Variants in SLC35F1 observed in about 807,000 individuals in gnomAD.
SLC35F1 encodes the protein chromosome 6 open reading frame 169.
In SLC35F1, 14 loss-of-function variants were observed where a neutral mutation model predicts 48.7. That is an observed-to-expected ratio of 0.29 (90% CI 0.19 to 0.45). SLC35F1 has a LOEUF of 0.45. SLC35F1 is among the 20% of genes least tolerant of loss of function. The probability of loss-of-function intolerance (pLI) is 1.00; values close to 1 mark genes in which losing one functional copy is unlikely to be tolerated. For missense variants in SLC35F1, 404 were observed against 500.0 expected (o/e 0.81, Z 1.83); for synonymous variants, 190 against 202.2 (o/e 0.94, Z 0.51).
chr6:118,003,046 A>T (rs1777125668), intron 1 of SLC35F1, among the ~76,000 whole-genome samples: 1 of 152,230 alleles, frequency 6.6e-6, no homozygotes, highest in Non-Finnish European at 1.5e-5. Flanking sequence ...CAAATAGCAT[A>T]TACATATATT....
chr6:118,291,296 CTT>C (rs1562352792), intron 7 of SLC35F1, among the ~76,000 whole-genome samples: 2 of 150,474 alleles, frequency 1.3e-5, no homozygotes, highest in African/African-American at 4.9e-5. Context: ...TATATAATAA[CTT>C]TGGGAAAAGC....
At position 117,951,672 on chromosome 6, in the gene SLC35F1, C is replaced by T. The variant is rs183832298; in HGVS notation, c.173+43773C>T. On this transcript the variant is annotated intron_variant, in intron 1 of 7. Transcript: ENST00000360388. ...GAAAGAAGTGTTAACCAGTTTGCTTCTTTGTGCTGTGCAGGACAAGGAATA... is the reference window on the plus strand; with the variant it reads ...GAAAGAAGTGTTAACCAGTTTGCTTTTTTGTGCTGTGCAGGACAAGGAATA... Among the ~76,000 whole-genome samples, 149 of 152,284 alleles carry T rather than the reference C, an allele frequency of 9.8e-4. 2 individuals carry two copies. The highest frequency in any genetic ancestry group is 1.2e-3 in the Non-Finnish European group (79 of 68,018).
At chr6:118,276,382 A>G (rs1271991303) in intron 5 of SLC35F1, among the ~76,000 whole-genome samples, 13 of 152,212 alleles carry the variant, frequency 8.5e-5, no homozygotes, top group Admixed American at 8.5e-4. Flanking sequence ...TGATTTCACC[A>G]ATCTCTTTCT....
intron 7 of SLC35F1, among the ~76,000 whole-genome samples, chr6:118,295,988 A>G (rs1225599982): frequency 1.3e-5 from 2 of 152,104 alleles, no homozygotes; most frequent in African/African-American, 4.8e-5. Context: ...AACTTAGGGT[A>G]AGTGTTGCTA....
At chr6:117,913,124 T>C (rs1775783868) in intron 1 of SLC35F1, among the ~76,000 whole-genome samples, 2 of 152,230 alleles carry the variant, frequency 1.3e-5, no homozygotes, top group Non-Finnish European at 2.9e-5. Flanking sequence ...GATTTTAGTT[T>C]AGCTTGCTTG....
intron 1 of SLC35F1, among the ~76,000 whole-genome samples, chr6:117,951,423 G>A (rs1383029676): frequency 6.6e-6 from 1 of 152,126 alleles, no homozygotes; most frequent in Admixed American, 6.5e-5. Flanking sequence ...TAGAAATTCA[G>A]CAGTGTGATT....
chr6:118,224,667 G>A (rs1562330776), intron 2 of SLC35F1, among the ~76,000 whole-genome samples: 1 of 152,314 alleles, frequency 6.6e-6, no homozygotes, highest in East Asian at 1.9e-4. Flanking sequence ...ATTATTAGTA[G>A]CTGTTATAAA....
At chr6:118,017,338 T>A (rs1318938564) in intron 1 of SLC35F1, among the ~76,000 whole-genome samples, 2 of 95,672 alleles carry the variant, frequency 2.1e-5, no homozygotes, top group African/African-American at 7.0e-5. Context: ...ACAGGAAAAC[T>A]TTTTTTTGTC....
At chr6:118,241,477 C>T (rs577205830) in intron 3 of SLC35F1, among the ~76,000 whole-genome samples, 3 of 152,288 alleles carry the variant, frequency 2.0e-5, no homozygotes, top group African/African-American at 7.2e-5. Context: ...GAACCCTTCA[C>T]ATAGCTTTCC....
intron 1 of SLC35F1, among the ~76,000 whole-genome samples, chr6:118,109,858 T>C (rs570224920): frequency 3.3e-5 from 5 of 152,310 alleles, no homozygotes; most frequent in Non-Finnish European, 5.9e-5. Flanking sequence ...CCCCTCTTTA[T>C]GGCCAGCACT....
chr6:118,100,942 A>T (rs9374717), intron 1 of SLC35F1, among the ~76,000 whole-genome samples: 29,730 of 152,108 alleles, frequency 0.2, 3,701 homozygotes, highest in East Asian at 0.41. Flanking sequence ...AAGGCACTCC[A>T]GTCACTTGGG....
intron 1 of SLC35F1, among the ~76,000 whole-genome samples, chr6:117,945,155 G>A (rs1015743499): frequency 6.6e-6 from 1 of 152,164 alleles, no homozygotes; most frequent in African/African-American, 2.4e-5. Context: ...TGGAAAAGCT[G>A]TGGGGCTCCG....
In SLC35F1 at chr6:118,001,498, T is replaced by C. The variant is rs569013164; in HGVS notation, c.173+93599T>C. ...GTCAGATCTAAAACCATAAAAATCCTAGAAGAAAACCCAGGCATTACCATT... is the reference window on the plus strand; with the variant it reads ...GTCAGATCTAAAACCATAAAAATCCCAGAAGAAAACCCAGGCATTACCATT... On this transcript the variant is annotated intron_variant, in intron 1 of 7. Coordinates refer to ENST00000360388, the MANE Select transcript of SLC35F1 (RefSeq NM_001029858.4). Among the ~76,000 whole-genome samples, 397 of 152,314 alleles carry C rather than the reference T, an allele frequency of 2.6e-3. 1 individual carries two copies. The highest frequency in any genetic ancestry group is 9.3e-3 in the African/African-American group (388 of 41,556).
At chr6:117,963,255 C>G (rs980641872) in intron 1 of SLC35F1, among the ~76,000 whole-genome samples, 1 of 152,042 alleles carries the variant, frequency 6.6e-6, no homozygotes, top group Admixed American at 6.5e-5. Context: ...GTAAGGATTA[C>G]TGAGACAACA....
chr6:118,281,412 A>G (rs1173968254), intron 6 of SLC35F1, among the ~76,000 whole-genome samples: 1 of 152,120 alleles, frequency 6.6e-6, no homozygotes, highest in African/African-American at 2.4e-5. Context: ...TCACAGATCC[A>G]TCTTTTACCC....
intron 2 of SLC35F1, among the ~76,000 whole-genome samples, chr6:118,198,871 A>G (rs1394976474): frequency 6.6e-6 from 1 of 152,210 alleles, no homozygotes; most frequent in East Asian, 1.9e-4. Flanking sequence ...GTTTTGCACA[A>G]ACCCAGCTGT....
intron 4 of SLC35F1, among the ~76,000 whole-genome samples, chr6:118,268,045 G>C (rs1158136728): frequency 1.3e-5 from 2 of 152,078 alleles, no homozygotes; most frequent in Non-Finnish European, 2.9e-5. Flanking sequence ...GTCAAAAGTG[G>C]ACCGTTTCTC....
rs563877162 is a variant in SLC35F1 at position 118,272,782 on chromosome 6, T to A, written c.638-2677T>A. On this transcript the variant is annotated intron_variant, in intron 4 of 7. Transcript: ENST00000360388. ...ATATATATGTATATATATATACCAT[T>A]TTTTAGCATAGAAATTTAGACCTAC... Among the ~76,000 whole-genome samples, 479 of 146,332 alleles carry A rather than the reference T, an allele frequency of 3.3e-3. 4 individuals are homozygous for A. The highest frequency in any genetic ancestry group is 0.011 in the African/African-American group (458 of 40,176).
chr6:117,939,643 A>G (rs1406682966), intron 1 of SLC35F1, among the ~76,000 whole-genome samples: 1 of 152,236 alleles, frequency 6.6e-6, no homozygotes, highest in Admixed American at 6.5e-5. Flanking sequence ...AAAAGGACCT[A>G]AAGGGAATAA....
Sources: allele counts gnomAD v4.1 joint callset (sites outside exome capture counted in the v4.1 genomes callset), GRCh38; gene constraint gnomAD v4.1.1; transcripts MANE v1.5; gene names NCBI Gene and HGNC (gene_info 2026-07-23, HGNC 2026-07-21).